TMTC1: variants seen among roughly 807,000 people sequenced by gnomAD.
TMTC1 encodes protein O-mannosyl-transferase TMTC1.
TMTC1 carries 73 observed loss-of-function variants against 104.8 expected under a neutral mutation model. That is an observed-to-expected ratio of 0.70 (90% CI 0.58 to 0.85). The LOEUF is 0.85. TMTC1 is among the 40% of genes least tolerant of loss of function. The probability of loss-of-function intolerance (pLI) is 0.00; values close to 1 mark genes in which losing one functional copy is unlikely to be tolerated. For missense variants in TMTC1, 1,035 were observed against 1,096.1 expected, an observed-to-expected ratio of 0.94 and a Z score of 0.79; for synonymous variants, 434 against 428.7, an observed-to-expected ratio of 1.01 and a Z score of -0.15.
chr12:29,537,760 C>T (rs917203238), intron 10 of TMTC1, among the ~76,000 whole-genome samples: 1 of 152,138 alleles, frequency 6.6e-6, no homozygotes, highest in Non-Finnish European at 1.5e-5. Flanking sequence ...ATCTCCCACG[C>T]CCCGGCCCTA....
intron 11 of TMTC1, among the ~76,000 whole-genome samples, chr12:29,523,251 CA>C (rs1213700641): frequency 6.6e-6 from 1 of 152,212 alleles, no homozygotes; most frequent in Non-Finnish European, 1.5e-5. Flanking sequence ...ACAGATTGGG[CA>C]ACCCCCTGAA....
rs1057129994 is a variant in TMTC1, at chr12:29,668,283, A to G, written c.939-34947T>C. Among the ~76,000 whole-genome samples, 7 of 152,134 alleles carry G rather than the reference A, an allele frequency of 4.6e-5. No homozygotes were observed. The East Asian group carries it at 1.2e-3, about 25-fold the overall frequency. ...GAAGGCCTTCTTGCTGCATCCTCGC[A>G]TGGCAGAAGAGCAGAAAAGCAAGAG... On this transcript the variant is annotated intron_variant, in intron 5 of 17. Transcript: ENST00000539277.
chr12:29,629,795 C>T (rs1275691012), intron 6 of TMTC1, among the ~76,000 whole-genome samples: 2 of 152,136 alleles, frequency 1.3e-5, no homozygotes, highest in African/African-American at 4.8e-5. Context: ...CTAAATTGTA[C>T]TCTTTAAAAT....
At chr12:29,751,328 A>G (rs1372948893) in intron 5 of TMTC1, among the ~76,000 whole-genome samples, 4 of 152,138 alleles carry the variant, frequency 2.6e-5, no homozygotes, top group Admixed American at 6.5e-5. Context: ...AAGAGCAGAG[A>G]GAGAGAGGCA....
At chr12:29,781,938 G>C (rs1366492611) in intron 1 of TMTC1, among the ~76,000 whole-genome samples, 1 of 152,226 alleles carries the variant, frequency 6.6e-6, no homozygotes. Flanking sequence ...ACAGGCATTT[G>C]ACTCTGCCCT....
At chr12:29,707,392 C>A (rs563996991) in intron 5 of TMTC1, among the ~76,000 whole-genome samples, 1 of 152,160 alleles carries the variant, frequency 6.6e-6, no homozygotes, top group East Asian at 1.9e-4. Context: ...CTGCTCCCTG[C>A]CAGCCCCTTC....
At chr12:29,592,146 C>A (rs1278573306) in intron 7 of TMTC1, among the ~76,000 whole-genome samples, 2 of 152,166 alleles carry the variant, frequency 1.3e-5, no homozygotes, top group African/African-American at 2.4e-5. Context: ...CTATAAATAG[C>A]ATTATTAATA....
intron 5 of TMTC1, among the ~76,000 whole-genome samples, chr12:29,695,552 G>A (rs11050391): frequency 0.2 from 30,490 of 151,160 alleles, 3,403 homozygotes; most frequent in East Asian, 0.29. Flanking sequence ...TGATCTGGCC[G>A]CCTCAGCCTC....
At chr12:29,675,499 G>C (rs964575604) in intron 5 of TMTC1, among the ~76,000 whole-genome samples, 1 of 151,804 alleles carries the variant, frequency 6.6e-6, no homozygotes, top group African/African-American at 2.4e-5. Flanking sequence ...TAGTAAGCTG[G>C]TACAGTACAG....
intron 5 of TMTC1, among the ~76,000 whole-genome samples, chr12:29,730,503 T>C (rs1942518125): frequency 2.0e-5 from 3 of 152,324 alleles, no homozygotes; most frequent in East Asian, 1.9e-4. Context: ...GGAGATGCTA[T>C]TGATTCTTCT....
intron 8 of TMTC1, among the ~76,000 whole-genome samples, chr12:29,578,183 T>C (rs1945876519): frequency 6.6e-6 from 1 of 151,998 alleles, no homozygotes; most frequent in Non-Finnish European, 1.5e-5. Flanking sequence ...GAAGTAATAA[T>C]GTTCCTAACA....
chr12:29,650,101 C>A (rs1296270879), intron 5 of TMTC1, among the ~76,000 whole-genome samples: 2 of 116,414 alleles, frequency 1.7e-5, no homozygotes, highest in East Asian at 2.4e-4. Flanking sequence ...TTTTTTTTTT[C>A]TTTGAGGAGT....
At chr12:29,544,316 A>G (rs1276192110) in intron 10 of TMTC1, among the ~76,000 whole-genome samples, 2 of 151,544 alleles carry the variant, frequency 1.3e-5, no homozygotes, top group African/African-American at 4.8e-5. Flanking sequence ...CTGGCCTAAC[A>G]GTTAACATTC....
chr12:29,660,802 A>C (rs1477768057), intron 5 of TMTC1: 1 of 1,292,092 alleles, frequency 7.7e-7, no homozygotes, highest in African/African-American at 1.5e-5. Context: ...ATATATACTT[A>C]CATAACTTAG....
At chr12:29,755,983 C>T in intron 3 of TMTC1, 98 bp from the exon 4 acceptor site, 1 of 1,235,240 alleles carries the variant, frequency 8.1e-7, no homozygotes, top group Non-Finnish European at 1.1e-6. Context: ...AATTTCATTG[C>T]ATTCTAAGTA....
In TMTC1 at chr12:29,518,589, A is replaced by G. The variant is rs751972025; in HGVS notation, c.1907T>C (p.Val636Ala). Reference sequence around the variant, plus strand: ...TTTGATGGCCTGCTGGTAATGGGCCACTGCCTTTTCTGGTAAGCCTGTAAC... The same window carrying G: ...TTTGATGGCCTGCTGGTAATGGGCCGCTGCCTTTTCTGGTAAGCCTGTAAC... ...LVDTGLPEKA[V>A]AHYQQAIKLS... The change falls in exon 13 of 18, where the codon GTG (valine) becomes GCG (alanine). Residue 636 changes from valine to alanine, a missense_variant. Transcript: ENST00000539277. 8.7e-6 allele frequency: 14 copies of G among 1,613,980 alleles called. No individual in the cohort carries two copies. The East Asian group carries it at 2.0e-4, about 23-fold the overall frequency.
intron 5 of TMTC1, among the ~76,000 whole-genome samples, chr12:29,714,110 T>C (rs1942011925): frequency 6.6e-6 from 1 of 152,214 alleles, no homozygotes; most frequent in Non-Finnish European, 1.5e-5. Context: ...AGAACTGTGA[T>C]AGAATTAATT....
chr12:29,671,251 G>A (rs901865567), intron 5 of TMTC1, among the ~76,000 whole-genome samples: 3 of 151,364 alleles, frequency 2.0e-5, no homozygotes, highest in African/African-American at 4.9e-5. Flanking sequence ...AGTGAGCAGC[G>A]ATTGCACCAC....
At chr12:29,647,129 T>C (rs1255562818) in intron 5 of TMTC1, among the ~76,000 whole-genome samples, 1 of 152,106 alleles carries the variant, frequency 6.6e-6, no homozygotes, top group Non-Finnish European at 1.5e-5. Flanking sequence ...TTCAAGCAAT[T>C]CTGCCTCAGC....
Sources: allele counts gnomAD v4.1 joint callset (sites outside exome capture counted in the v4.1 genomes callset), GRCh38; gene constraint gnomAD v4.1.1; transcripts MANE v1.5; gene names NCBI Gene and HGNC (gene_info 2026-07-23, HGNC 2026-07-21).